Variants in TRPM6 observed in about 807,000 individuals in gnomAD.
TRPM6 encodes the protein transient receptor potential cation channel subfamily M member 6, also known as channel kinase 2.
Under a neutral mutation model 247.6 loss-of-function variants are expected in TRPM6, and 111 were observed. That is an observed-to-expected ratio of 0.45 (90% CI 0.38 to 0.52). The LOEUF is 0.52. TRPM6 is among the 20% of genes least tolerant of loss of function. TRPM6 has a pLI of 0.00. For synonymous variants in TRPM6, 892 were observed against 853.8 expected, an observed-to-expected ratio of 1.04 and a Z score of -0.78; for missense variants, 2,126 against 2,421.5, an observed-to-expected ratio of 0.88 and a Z score of 2.56.
chr9:74,872,235 C>A (rs1029166001), intron 1 of TRPM6, among the ~76,000 whole-genome samples: 4 of 152,054 alleles, frequency 2.6e-5, no homozygotes, highest in African/African-American at 9.7e-5. Flanking sequence ...ATCATCCTGC[C>A]TTGTCCTCCC....
intron 6 of TRPM6, among the ~76,000 whole-genome samples, chr9:74,830,154 A>T (rs1829492551): frequency 6.6e-6 from 1 of 152,104 alleles, no homozygotes; most frequent in Admixed American, 6.5e-5. Context: ...AAACAAAAAA[A>T]CTTGAAGGTT....
chr9:74,867,211 A>G (rs1830873257), intron 1 of TRPM6, among the ~76,000 whole-genome samples: 1 of 152,208 alleles, frequency 6.6e-6, no homozygotes, highest in Admixed American at 6.5e-5. Context: ...TGTATTCATC[A>G]TGTACCCTTG....
chr9:74,810,000 A>C (rs1217725211), intron 13 of TRPM6, among the ~76,000 whole-genome samples: 11 of 151,214 alleles, frequency 7.3e-5, no homozygotes, highest in Non-Finnish European at 1.5e-4. Context: ...AAAAAAAAAA[A>C]AACAAGGATA....
At chr9:74,746,442 G>A (rs1826050477) in intron 31 of TRPM6, among the ~76,000 whole-genome samples, 1 of 152,148 alleles carries the variant, frequency 6.6e-6, no homozygotes, top group Non-Finnish European at 1.5e-5. Context: ...TTTTGTTTGA[G>A]ACACCTTTTA....
At position 74,786,014 on chromosome 9, in the gene TRPM6, G is replaced by T; in HGVS notation, c.2779C>A (p.Leu927Ile). 1.2e-6 allele frequency: 2 copies of T among 1,614,204 alleles called. No individual in the cohort carries two copies. The highest frequency in any genetic ancestry group is 1.7e-6 in the Non-Finnish European group (2 of 1,180,050). The change falls in exon 21 of 39, where the codon CTT becomes ATT. Residue 927 changes from leucine to isoleucine, a missense_variant. Around this residue, in one of 3 missense-constraint regions of TRPM6, gnomAD observed 1,082 missense variants for 1,307.9 expected, o/e 0.83. Transcript: ENST00000360774. ...TGAAAAGGAGGGTCACCCCATCGAA[G>T]GACGAAGCCAGCTGAAAACAGGCCA... ...AIGLFSAGFV[L>I]RWGDPPFHTA...
rs376570022 is a variant in TRPM6 at position 74,796,771 on chromosome 9, G to A, written c.2361C>T (p.Asn787=). Residue 787 remains asparagine (N), a synonymous_variant, in exon 18 of 39, where the codon AAC becomes AAT. Transcript: ENST00000360774. ...FQFMWYYSDQ[N]ASSSKESASV... is the part of the protein sequence containing the mutation. ...AAGCACTTTCTTTGGAACTGCTGGC[G>A]TTCTGGTCACTGTAATACCACATAA... 3.3e-5 allele frequency: 53 copies of A among 1,613,870 alleles called. No individual in the cohort carries two copies. The highest frequency in any genetic ancestry group is 1.8e-4 in the South Asian group (16 of 91,086).
chr9:74,775,193 C>G (rs1827177595), intron 24 of TRPM6, among the ~76,000 whole-genome samples: 1 of 152,044 alleles, frequency 6.6e-6, no homozygotes, highest in African/African-American at 2.4e-5. Flanking sequence ...AAGTGAGAAC[C>G]CCTATTTCCG....
chr9:74,732,753 A>C lies in TRPM6; in HGVS notation c.5777-17T>G. 1 of 1,600,040 alleles carries C rather than the reference A, an allele frequency of 6.2e-7. No homozygotes were observed. The highest frequency in any genetic ancestry group is 2.2e-5 in the East Asian group (1 of 44,584). On this transcript the variant is annotated splice_polypyrimidine_tract_variant and intron_variant, in intron 36 of 38. Coordinates refer to ENST00000360774, the MANE Select transcript of TRPM6 (RefSeq NM_017662.5). ...CTCCAACACCTCAAAAGAAGAAACA[A>C]AATTCGTTTAGCAAATGGAGATTTC...
chr9:74,827,397 GCT>G (rs942244229), intron 7 of TRPM6, among the ~76,000 whole-genome samples: 12 of 152,080 alleles, frequency 7.9e-5, no homozygotes, highest in Non-Finnish European at 7.4e-5. Flanking sequence ...CCCTCTGGCT[GCT>G]CTAAGGCAGG....
intron 9 of TRPM6, among the ~76,000 whole-genome samples, chr9:74,817,631 T>C (rs1564028593): frequency 6.6e-6 from 1 of 152,228 alleles, no homozygotes. Flanking sequence ...TCGTTACTTA[T>C]GGTTCCAAAG....
intron 38 of TRPM6, among the ~76,000 whole-genome samples, chr9:74,726,560 AATT>A (rs1247593917): frequency 6.6e-6 from 1 of 152,106 alleles, no homozygotes; most frequent in Non-Finnish European, 1.5e-5. Context: ...AGTATAAAAA[AATT>A]ATCTCAACCT....
intron 35 of TRPM6, among the ~76,000 whole-genome samples, chr9:74,739,154 C>T (rs146320892): frequency 1.3e-3 from 199 of 152,256 alleles, no homozygotes; most frequent in Non-Finnish European, 2.3e-3. Context: ...CCTCTTTTTT[C>T]CACTCATGTT....
In TRPM6 at chr9:74,840,223, A is replaced by C; in HGVS notation, c.345T>G (p.Ser115=). 1 of 1,611,758 alleles carries C rather than the reference A, an allele frequency of 6.2e-7. No homozygotes were observed. The highest frequency in any genetic ancestry group is 8.5e-7 in the Non-Finnish European group (1 of 1,177,838). ...ACAGATGATCCAGTTTTGTATCATA[A>C]GAAGTTCTAATATACTGCAAGAAAA... ...HTHHAKYIRT[S]YDTKLDHLLH... Residue 115 remains serine, a synonymous_variant, in exon 5 of 39, where the codon TCT becomes TCG. Transcript: ENST00000360774.
intron 3 of TRPM6, among the ~76,000 whole-genome samples, chr9:74,846,260 A>G (rs370286363): frequency 6.6e-6 from 1 of 152,218 alleles, no homozygotes; most frequent in Non-Finnish European, 1.5e-5. Flanking sequence ...GGCCCAGTAC[A>G]TGAACAGACA....
intron 16 of TRPM6, among the ~76,000 whole-genome samples, chr9:74,800,975 A>G (rs570835296): frequency 1.3e-5 from 2 of 149,406 alleles, no homozygotes. Flanking sequence ...CTGTGGAGTC[A>G]CTTGTTTTTT....
At chr9:74,802,614 G>T (rs17060526) in intron 15 of TRPM6, among the ~76,000 whole-genome samples, 3 of 152,138 alleles carry the variant, frequency 2.0e-5, no homozygotes, top group African/African-American at 7.2e-5. Context: ...TCGAAATAGC[G>T]TATTGGATAC....
rs185254135 is a variant in TRPM6 at position 74,824,080 on chromosome 9, T to G, written c.842-2243A>C. Among the ~76,000 whole-genome samples, 237 of 152,134 alleles carry G rather than the reference T, an allele frequency of 1.6e-3. 1 individual carries two copies. Among genetic ancestry groups the G allele is most frequent in the Non-Finnish European group, 1.6e-4 (11 of 67,990 alleles). ...TGAATGTGGAAGTATATAATACTTTTACCATCCGAAAAAGAAAAAAAAATT... is the reference window on the plus strand; with the variant it reads ...TGAATGTGGAAGTATATAATACTTTGACCATCCGAAAAAGAAAAAAAAATT... On this transcript the variant is annotated intron_variant, in intron 7 of 38. Transcript: ENST00000360774.
intron 25 of TRPM6, among the ~76,000 whole-genome samples, chr9:74,765,375 A>T (rs1564003959): frequency 6.6e-6 from 1 of 151,964 alleles, no homozygotes; most frequent in Non-Finnish European, 1.5e-5. Context: ...CAGGATACAA[A>T]ATAGTATCAT....
At chr9:74,737,354 C>T (rs1387277275) in intron 36 of TRPM6, 1 of 1,286,880 alleles carries the variant, frequency 7.8e-7, no homozygotes, top group East Asian at 5.6e-5. Flanking sequence ...TGCAGTCTTA[C>T]CGGACATTGC....
Sources: gnomAD v4.1 joint callset for allele counts (sites outside exome capture counted in the v4.1 genomes callset) on GRCh38, gnomAD v4.1.1 for gene constraint, gnomAD v4.1.1 regional missense constraint, MANE v1.5 for transcripts, NCBI Gene and HGNC (gene_info 2026-07-23, HGNC 2026-07-21) for gene names.